Variants in LSAMP observed in about 807,000 individuals in gnomAD.
LSAMP encodes limbic system associated membrane protein.
In LSAMP, 7 loss-of-function variants were observed where a neutral mutation model predicts 38.6. The ratio of observed to expected loss-of-function variants is 0.18; its 90% CI spans 0.10 to 0.34. The LOEUF is 0.34. LSAMP is among the 10% of genes least tolerant of loss of function. The probability of loss-of-function intolerance (pLI) is 1.00; values close to 1 mark genes in which losing one functional copy is unlikely to be tolerated. For missense variants in LSAMP, 313 were observed against 420.0 expected (o/e 0.75, Z 2.23); for synonymous variants, 154 against 166.8 (o/e 0.92, Z 0.59).
intron 1 of LSAMP, among the ~76,000 whole-genome samples, chr3:116,374,426 A>G (rs759710339): frequency 1.3e-5 from 2 of 151,884 alleles, no homozygotes; most frequent in Non-Finnish European, 2.9e-5. Context: ...CCTCTCTCCT[A>G]TGAGTTTTAA....
chr3:116,171,208 C>G (rs541157465), intron 1 of LSAMP, among the ~76,000 whole-genome samples: 1 of 152,222 alleles, frequency 6.6e-6, no homozygotes, highest in Non-Finnish European at 1.5e-5. Context: ...GTGCTTAGAA[C>G]AGTAGCTGGC....
intron 1 of LSAMP, among the ~76,000 whole-genome samples, chr3:116,166,787 G>GTTTTTTTTTT (rs35340943): frequency 1.3e-4 from 15 of 118,810 alleles, no homozygotes; most frequent in East Asian, 2.4e-4. Flanking sequence ...TTTTTTTTTT[G>GTTTTTTTTTT]TTTTTTTTTT....
At chr3:116,186,999 T>C (rs1044168218) in intron 1 of LSAMP, among the ~76,000 whole-genome samples, 3 of 152,140 alleles carry the variant, frequency 2.0e-5, no homozygotes, top group African/African-American at 7.2e-5. Flanking sequence ...TATGTAGTAA[T>C]GCTCATATTC....
intron 6 of LSAMP, among the ~76,000 whole-genome samples, chr3:115,837,557 G>A (rs1934834686): frequency 6.6e-6 from 1 of 152,118 alleles, no homozygotes; most frequent in East Asian, 1.9e-4. Context: ...AGGCTACTGG[G>A]AGTTAATGAA....
At chr3:115,811,843 G>A (rs1272470147) in intron 6 of LSAMP, among the ~76,000 whole-genome samples, 2 of 152,158 alleles carry the variant, frequency 1.3e-5, no homozygotes, top group Non-Finnish European at 2.9e-5. Context: ...CATGCTATAA[G>A]GTAGATACTA....
intron 3 of LSAMP, among the ~76,000 whole-genome samples, chr3:115,883,634 T>C (rs952456230): frequency 1.3e-5 from 2 of 152,060 alleles, no homozygotes; most frequent in African/African-American, 2.4e-5. Flanking sequence ...GATTGGGTCC[T>C]CAAGCAACCA....
intron 3 of LSAMP, among the ~76,000 whole-genome samples, chr3:115,902,831 G>C (rs1400428717): frequency 6.6e-6 from 1 of 152,070 alleles, no homozygotes; most frequent in Non-Finnish European, 1.5e-5. Context: ...TCATTAAAAA[G>C]TCAGAAAATA....
chr3:116,397,395 C>CAA (rs201390071), intron 1 of LSAMP, among the ~76,000 whole-genome samples: 55 of 147,394 alleles, frequency 3.7e-4, no homozygotes, highest in African/African-American at 1.3e-3. Flanking sequence ...CGCCCCCCCC[C>CAA]CACACACACA....
intron 1 of LSAMP, among the ~76,000 whole-genome samples, chr3:116,227,614 AT>A (rs11285855): frequency 0.068 from 10,225 of 150,104 alleles, 450 homozygotes; most frequent in Non-Finnish European, 0.088. Flanking sequence ...ACCCTTCTCC[AT>A]TTTTTTTTAT....
chr3:116,381,730 TCTTA>T (rs2048560562), intron 1 of LSAMP, among the ~76,000 whole-genome samples: 1 of 152,076 alleles, frequency 6.6e-6, no homozygotes. Flanking sequence ...ACAAAATGAA[TCTTA>T]CTTTCATAAA....
intron 1 of LSAMP, among the ~76,000 whole-genome samples, chr3:116,349,847 C>T (rs73149191): frequency 1.2e-4 from 18 of 151,942 alleles, no homozygotes; most frequent in South Asian, 2.1e-4. Flanking sequence ...AAAAAGAAGA[C>T]GTTTGGGCAT....
At chr3:116,131,978 C>T (rs530039040) in intron 1 of LSAMP, among the ~76,000 whole-genome samples, 3 of 152,110 alleles carry the variant, frequency 2.0e-5, no homozygotes, top group African/African-American at 7.2e-5. Context: ...TAGGTGCACA[C>T]TACCACGCCC....
intron 3 of LSAMP, among the ~76,000 whole-genome samples, chr3:115,985,910 C>A (rs534155175): frequency 2.0e-5 from 3 of 152,280 alleles, no homozygotes; most frequent in African/African-American, 4.8e-5. Flanking sequence ...GGCTTTCCAG[C>A]CCACAGAAAT....
intron 1 of LSAMP, among the ~76,000 whole-genome samples, chr3:116,138,821 G>T (rs1245686659): frequency 9.4e-6 from 1 of 106,116 alleles, no homozygotes; most frequent in African/African-American, 3.1e-5. Context: ...TACGTAAATT[G>T]ACTTTTTTTT....
intron 1 of LSAMP, among the ~76,000 whole-genome samples, chr3:116,316,028 A>G (rs1027130128): frequency 1.3e-5 from 2 of 152,242 alleles, no homozygotes; most frequent in Non-Finnish European, 2.9e-5. Flanking sequence ...GAATAGTTAG[A>G]GAAGGTCAAG....
At chr3:116,138,650 T>A (rs781175675) in intron 1 of LSAMP, among the ~76,000 whole-genome samples, 2 of 152,076 alleles carry the variant, frequency 1.3e-5, no homozygotes, top group African/African-American at 2.4e-5. Flanking sequence ...GATGCAGCAA[T>A]GAGTAGGGAT....
chr3:116,136,662 T>C (rs1383889221), intron 1 of LSAMP, among the ~76,000 whole-genome samples: 1 of 152,166 alleles, frequency 6.6e-6, no homozygotes, highest in Non-Finnish European at 1.5e-5. Flanking sequence ...GTATCACCCC[T>C]TCTTATCCAC....
intron 3 of LSAMP, among the ~76,000 whole-genome samples, chr3:115,854,185 TTA>T (rs1379277634): frequency 6.6e-6 from 1 of 151,438 alleles, no homozygotes; most frequent in Non-Finnish European, 1.5e-5. Flanking sequence ...GTTCTGCACA[TTA>T]TCTTTATCTA....
At chr3:116,068,463 T>C (rs1000725424) in intron 2 of LSAMP, among the ~76,000 whole-genome samples, 24 of 152,308 alleles carry the variant, frequency 1.6e-4, no homozygotes, top group African/African-American at 5.3e-4. Flanking sequence ...AAGTTATTTC[T>C]CAAATTTAAT....
Sources: gnomAD v4.1 joint callset for allele counts (sites outside exome capture counted in the v4.1 genomes callset) on GRCh38, gnomAD v4.1.1 for gene constraint, MANE v1.5 for transcripts, NCBI Gene and HGNC (gene_info 2026-07-23, HGNC 2026-07-21) for gene names.